COL6A1: variants seen among roughly 807,000 people sequenced by gnomAD.
COL6A1 encodes the protein collagen alpha-1(VI) chain.
Under a neutral mutation model 145.6 loss-of-function variants are expected in COL6A1, and 80 were observed. The observed-to-expected ratio is 0.55, with a 90% CI of 0.46 to 0.66. The LOEUF is 0.66. Ranked by LOEUF, COL6A1 falls within the 30% of genes least tolerant of loss-of-function variation. The pLI, the probability that COL6A1 is intolerant of heterozygous loss-of-function variation, is 0.00. For synonymous variants in COL6A1, 638 were observed against 622.8 expected (o/e 1.02, Z -0.36); for missense variants, 1,364 against 1,473.8 (o/e 0.93, Z 1.22).
intron 9 of COL6A1, 146 bp downstream of exon 9, chr21:45,989,283 C>A (rs1247185505): frequency 4.4e-6 from 4 of 908,382 alleles, no homozygotes; most frequent in African/African-American, 1.7e-5. Flanking sequence ...CCTGGAGGGG[C>A]CACAGCCCAG....
chr21:46,001,946 G>A lies in COL6A1; in HGVS notation c.1957-15G>A. ...GGGCAGCACTCGCGTCCTGACCCCGGTGCCGGTCCCACAGTTCGAGCCAGG... is the reference window on the plus strand; with the variant it reads ...GGGCAGCACTCGCGTCCTGACCCCGATGCCGGTCCCACAGTTCGAGCCAGG... On this transcript the variant is annotated splice_polypyrimidine_tract_variant and intron_variant, in intron 30 of 34. Coordinates refer to ENST00000361866, the MANE Select transcript of COL6A1 (RefSeq NM_001848.3). The A allele has an allele frequency of 6.2e-7, 1 of 1,610,010 alleles. No individual in the cohort carries two copies. Among genetic ancestry groups the A allele is most frequent in the Non-Finnish European group, 8.5e-7 (1 of 1,178,740 alleles).
intron 19 of COL6A1, among the ~76,000 whole-genome samples, 169 bp downstream of exon 19, chr21:45,992,979 C>A (rs868833330): frequency 1.3e-5 from 2 of 152,266 alleles, no homozygotes; most frequent in African/African-American, 4.8e-5. Flanking sequence ...AAGCCGGCGC[C>A]CAGCCATGTG....
In COL6A1 at chr21:46,000,620, CAGGAGGCCGGGGA is replaced by C; in HGVS notation, c.1814-135_1814-123del. On this transcript the variant is annotated intron_variant, in intron 28 of 34. Transcript: ENST00000361866. ...CGGCCGGGGAGGCGGGGAGGCGGGG[CAGGAGGCCGGGGA>C]AGGGGGGAGGCCGGGGAAGGAGGGC... The C allele has an allele frequency of 4.3e-6, 6 of 1,400,108 alleles. No individual in the cohort carries two copies. In the South Asian group the frequency reaches 7.0e-5, roughly 16 times the overall value. The allele number at this position is 1,400,108 out of a possible 1,614,324, so 86.7% of individuals were successfully genotyped here.
intron 3 of COL6A1, among the ~76,000 whole-genome samples, chr21:45,986,313 T>C (rs1021699186): frequency 4.6e-5 from 7 of 152,038 alleles, no homozygotes; most frequent in African/African-American, 1.7e-4. Context: ...TGGGAGGGCG[T>C]GGATTTTCCA....
chr21:45,982,432 C>T (rs1057184415), intron 1 of COL6A1, among the ~76,000 whole-genome samples: 1 of 152,228 alleles, frequency 6.6e-6, no homozygotes, highest in Admixed American at 6.5e-5. Context: ...CCCCTCGAGG[C>T]ACAGGAGCGG....
chr21:46,002,999 C>T (rs1028880287), intron 33 of COL6A1, 121 bp from the exon 34 acceptor site: 5 of 1,440,976 alleles, frequency 3.5e-6, no homozygotes, highest in African/African-American at 2.8e-5. Flanking sequence ...CTCCTCCCGG[C>T]TCGCTGTGAC....
chr21:45,987,001 G>T lies in COL6A1; in HGVS notation c.646G>T (p.Ala216Ser), dbSNP rs750465594. Residue 216 changes from alanine (A) to serine (S), a missense_variant, in exon 5 of 35, where the codon GCT (alanine) becomes TCT (serine). Physicochemically the swap from Ala to Ser is moderately conservative, Grantham distance 99 (BLOSUM62 1). This residue lies in a region of COL6A1 where 414 missense variants were observed against 437.6 expected (regional missense o/e 0.95). Transcript: ENST00000361866. ...DHTYRRNFTAADWGQSRDAEE... is the reference protein window; with the variant it reads ...DHTYRRNFTASDWGQSRDAEE... ...CACGTACCGGCGCAACTTCACGGCG[G>T]CTGACTGGGGCCAGAGCCGCGACGC... 1.3e-6 allele frequency: 2 copies of T among 1,551,170 alleles called. No homozygotes were observed. Among genetic ancestry groups the T allele is most frequent in the South Asian group, 2.4e-5 (2 of 84,314 alleles).
At chr21:45,987,430 G>A (rs902892281) in intron 6 of COL6A1, 69 bp from the exon 7 acceptor site, 2 of 1,606,654 alleles carry the variant, frequency 1.2e-6, no homozygotes, top group African/African-American at 1.3e-5. Flanking sequence ...TGGGTCGCAT[G>A]TCACCCTGTG....
intron 3 of COL6A1, among the ~76,000 whole-genome samples, chr21:45,985,548 G>C (rs1195117532): frequency 1.3e-5 from 2 of 152,214 alleles, no homozygotes; most frequent in Non-Finnish European, 2.9e-5. Flanking sequence ...GCTTTCTCGG[G>C]GTTTTTCTGG....
Position 46,001,999 on chromosome 21 carries a change from C to G in COL6A1, c.1995C>G (p.Tyr665Ter). Residue 665 changes from tyrosine (Y) to a stop codon, truncating the protein, a stop_gained, in exon 31 of 35, where the codon TAC (tyrosine) becomes TAG (stop). Coordinates refer to ENST00000361866, the MANE Select transcript of COL6A1 (RefSeq NM_001848.3). LOFTEE classifies it high-confidence loss of function. ...PGQSYAGVVQ[Y>*]SHSQMQEHVS... ...AGTCGTACGCGGGTGTGGTGCAGTA[C>G]AGCCACAGCCAGATGCAGGAGCACG... 1 of 1,612,712 alleles carries G rather than the reference C, an allele frequency of 6.2e-7. No homozygotes were observed. The highest frequency in any genetic ancestry group is 8.5e-7 in the Non-Finnish European group (1 of 1,179,890).
In COL6A1 at chr21:45,999,209, G is replaced by A. The variant is rs755214430; in HGVS notation, c.1731G>A (p.Glu577=). 6 of 1,598,510 alleles carry A rather than the reference G, an allele frequency of 3.8e-6. No individual in the cohort carries two copies. The East Asian group carries it at 1.1e-4, about 30-fold the overall frequency. The part of the protein sequence containing the change: ...VKGAKGYRGP[E]GPQGPPGHQG... ...GAGCAAAGGGGTACCGGGGTCCCGA[G>A]GGCCCCCAGGTGGGTGGATGTGGCT... Residue 577 remains glutamate, a synonymous_variant, in exon 26 of 35, where the codon GAG becomes GAA. Coordinates refer to ENST00000361866, the MANE Select transcript of COL6A1 (RefSeq NM_001848.3).
At chr21:45,999,899 G>GAA (rs1569518873) in intron 27 of COL6A1, among the ~76,000 whole-genome samples, 93 of 139,768 alleles carry the variant, frequency 6.7e-4, no homozygotes, top group South Asian at 1.2e-3. Flanking sequence ...ACCATAGAGG[G>GAA]GACATGTGAG....
At chr21:45,999,723 G>A (rs777549383) in intron 27 of COL6A1, 31 bp downstream of exon 27, 2 of 1,600,788 alleles carry the variant, frequency 1.2e-6, no homozygotes, top group Admixed American at 1.7e-5. Context: ...ATTGCTGGGG[G>A]CGACCACTGT....
rs1603591778 is a variant in COL6A1, at chr21:45,992,497, G to A, written c.1272+99G>A. ...TGGCCCTCCCAGCACTGAGAGCCAT[G>A]GCCTCCTGCCCAAGACAAATGGGTT... On this transcript the variant is annotated intron_variant, in intron 18 of 34. Coordinates refer to ENST00000361866, the MANE Select transcript of COL6A1 (RefSeq NM_001848.3). 3.5e-6 allele frequency: 5 copies of A among 1,413,018 alleles called. No homozygotes were observed. The East Asian group carries it at 1.2e-4, about 34-fold the overall frequency. 87.5% of individuals were successfully genotyped at this position (1,413,018 alleles called of 1,614,324 possible).
At chr21:45,985,409 G>A (rs2077733886) in intron 3 of COL6A1, among the ~76,000 whole-genome samples, 3 of 152,090 alleles carry the variant, frequency 2.0e-5, no homozygotes, top group Admixed American at 1.3e-4. Context: ...GGGACAGACA[G>A]AGACAGAGAG....
intron 20 of COL6A1, 47 bp from the exon 21 acceptor site, chr21:45,997,374 G>C (rs2077811115): frequency 6.3e-7 from 1 of 1,577,082 alleles, no homozygotes; most frequent in Admixed American, 1.7e-5. Flanking sequence ...GAGGGCTCAG[G>C]CTGGGTGAGG....
At position 46,002,324 on chromosome 21, in the gene COL6A1, C is replaced by T; in HGVS notation, c.2173C>T (p.Leu725=). The change falls in exon 32 of 35, where the codon CTG becomes TTG. Residue 725 remains leucine, a synonymous_variant. Coordinates refer to ENST00000361866, the MANE Select transcript of COL6A1 (RefSeq NM_001848.3). The part of the protein sequence containing the change: ...LPPSPNNRIA[L]VITDGRSDTQ... ...GCCCAGCCCGAACAACCGCATCGCCCTGGTCATCACTGACGGGCGCTCAGA... is the reference window on the plus strand; with the variant it reads ...GCCCAGCCCGAACAACCGCATCGCCTTGGTCATCACTGACGGGCGCTCAGA... 6.3e-7 allele frequency: 1 copy of T among 1,592,214 alleles called. No individual in the cohort carries two copies. Among genetic ancestry groups the T allele is most frequent in the Non-Finnish European group, 8.5e-7 (1 of 1,170,732 alleles).
Position 45,999,646 on chromosome 21 carries a change from T to G in COL6A1, c.1741-11T>G. On this transcript the variant is annotated splice_polypyrimidine_tract_variant and intron_variant, in intron 26 of 34. Transcript: ENST00000361866. ...CACCCTCAGAGCTCCTCTACTCCGT[T>G]TCTCGGACAGGGACCCCCAGGACAC... is the stretch of plus-strand genomic sequence containing the variant. 1 of 1,613,196 alleles carries G rather than the reference T, an allele frequency of 6.2e-7. No homozygotes were observed. The highest frequency in any genetic ancestry group is 8.5e-7 in the Non-Finnish European group (1 of 1,179,836).
At position 45,994,139 on chromosome 21, in the gene COL6A1, T is replaced by C. The variant is rs1335628215; in HGVS notation, c.1336-28T>C. Reference sequence around the variant, plus strand: ...CCATCCTCCCCAAGGATGGCCCAGCTCCACACTCACGGCTCGTTTCTCTTC... The same window carrying C: ...CCATCCTCCCCAAGGATGGCCCAGCCCCACACTCACGGCTCGTTTCTCTTC... On this transcript the variant is annotated intron_variant, in intron 19 of 34. Transcript: ENST00000361866. This position sits in a 1 kb window ranked among gnomAD's most constrained non-coding sequence, Gnocchi z 6.8. The C allele has an allele frequency of 6.3e-7, 1 of 1,583,856 alleles. No individual in the cohort carries two copies. The highest frequency in any genetic ancestry group is 1.8e-5 in the Admixed American group (1 of 54,914).
Sources: gnomAD v4.1 joint callset for allele counts (sites outside exome capture counted in the v4.1 genomes callset) on GRCh38, gnomAD v4.1.1 for gene constraint, gnomAD v4.1.1 regional missense constraint, Gnocchi (gnomAD v3.1) non-coding constraint, MANE v1.5 for transcripts, NCBI Gene and HGNC (gene_info 2026-07-23, HGNC 2026-07-21) for gene names.